HYDIN: variants seen among roughly 807,000 people sequenced by gnomAD.
HYDIN encodes the protein axonemal central pair apparatus protein HYDIN.
In HYDIN, 132 loss-of-function variants were observed where a neutral mutation model predicts 403.9. The observed-to-expected ratio is 0.33, with a 90% CI of 0.28 to 0.38. HYDIN has a LOEUF of 0.38. HYDIN is among the 10% of genes least tolerant of loss of function. The pLI, the probability that HYDIN is intolerant of heterozygous loss-of-function variation, is 1.00. For synonymous variants in HYDIN, 1,202 were observed against 1,891.7 expected (o/e 0.64, Z 9.46); for missense variants, 2,827 against 5,009.5 (o/e 0.56, Z 13.15).
intron 9 of HYDIN, among the ~76,000 whole-genome samples, chr16:71,127,438 G>A (rs4788769): frequency 7.0e-6 from 1 of 143,350 alleles, no homozygotes; most frequent in Admixed American, 7.0e-5. Context: ...AAAAGGCTTC[G>A]TGACAAGAAT....
intron 1 of HYDIN, among the ~76,000 whole-genome samples, chr16:71,220,248 G>C (rs907713061): frequency 2.0e-5 from 3 of 152,158 alleles, no homozygotes; most frequent in African/African-American, 7.2e-5. Context: ...TGCTGCTAAA[G>C]TGAAGAAACA....
chr16:70,872,273 C>T (rs2040156820), intron 64 of HYDIN, 94 bp from the exon 65 acceptor site: 1 of 548,094 alleles, frequency 1.8e-6, no homozygotes, highest in East Asian at 3.3e-5. Context: ...CACATGCAGT[C>T]CTTCCATCCT....
chr16:70,918,139 T>A, intron 47 of HYDIN, 72 bp downstream of exon 47: 1 of 458,238 alleles, frequency 2.2e-6, no homozygotes, highest in East Asian at 3.1e-5. Context: ...TTTGGTCTGG[T>A]GGAGGGTGAC....
chr16:70,926,073 A>AATAC (rs1194096373), intron 45 of HYDIN, among the ~76,000 whole-genome samples: 1 of 150,608 alleles, frequency 6.6e-6, no homozygotes, highest in Non-Finnish European at 1.5e-5. Context: ...GGGATCTAGA[A>AATAC]CTAGAAATAC....
At chr16:70,880,965 C>T (rs2040757424) in intron 60 of HYDIN, among the ~76,000 whole-genome samples, 1 of 150,632 alleles carries the variant, frequency 6.6e-6, no homozygotes, top group African/African-American at 2.5e-5. Flanking sequence ...GTGGCTCACT[C>T]TTGTAATCCT....
intron 65 of HYDIN, 53 bp downstream of exon 65, chr16:70,871,984 G>T: frequency 1.3e-6 from 2 of 1,582,498 alleles, no homozygotes; most frequent in Non-Finnish European, 1.7e-6. Flanking sequence ...AATCAGTCTG[G>T]GGTTGGCTTA....
chr16:71,175,572 A>G (rs762558757), intron 5 of HYDIN, 35 bp downstream of exon 5: 1 of 1,609,088 alleles, frequency 6.2e-7, no homozygotes, highest in Non-Finnish European at 8.5e-7. Flanking sequence ...ATCTGCCAGT[A>G]CAAGTGTCCA....
chr16:71,200,844 T>C (rs2087966784), intron 1 of HYDIN, among the ~76,000 whole-genome samples: 1 of 152,132 alleles, frequency 6.6e-6, no homozygotes, highest in Non-Finnish European at 1.5e-5. Context: ...TCAGACACCC[T>C]GGGGAAAGGC....
intron 75 of HYDIN, among the ~76,000 whole-genome samples, chr16:70,845,874 G>T: frequency 7.1e-6 from 1 of 141,454 alleles, no homozygotes; most frequent in South Asian, 2.1e-4. Flanking sequence ...ATTTCTGTGG[G>T]ATCGGTGGTG....
In HYDIN at chr16:70,996,342, G is replaced by T. The variant is rs1180488064; in HGVS notation, c.3645-4132C>A. ...ATGAGAAACCCAACCCTTGCTTCAAGGAGCTAAGAGGCCAGTGGATCAGAG... is the reference window on the plus strand; with the variant it reads ...ATGAGAAACCCAACCCTTGCTTCAATGAGCTAAGAGGCCAGTGGATCAGAG... On this transcript the variant is annotated intron_variant, in intron 23 of 85. Coordinates refer to ENST00000393567, the MANE Select transcript of HYDIN (RefSeq NM_001270974.2). 5.3e-5 allele frequency among the ~76,000 whole-genome samples: 8 copies of T among 152,310 alleles called. No individual in the cohort carries two copies. The South Asian group carries it at 1.2e-3, about 24-fold the overall frequency.
chr16:71,142,307 GT>G (rs1158437490), intron 7 of HYDIN, among the ~76,000 whole-genome samples: 9 of 117,152 alleles, frequency 7.7e-5, no homozygotes, highest in African/African-American at 3.1e-4. Flanking sequence ...TATTCTCTGT[GT>G]TTTTGTGGTT....
In HYDIN at chr16:70,826,747, G is replaced by C. The variant is rs865780139; in HGVS notation, c.14427+514C>G. Among the ~76,000 whole-genome samples the C allele has an allele frequency of 4.9e-4, 68 of 139,336 alleles. 1 individual carries two copies. Among genetic ancestry groups the C allele is most frequent in the South Asian group, 1.6e-3 (7 of 4,376 alleles). 91.4% of individuals were successfully genotyped at this position (139,336 alleles called of 152,430 possible). A position where few individuals can be genotyped will look rare whatever the true frequency, so the allele number is the denominator to read the frequency against. On this transcript the variant is annotated intron_variant, in intron 83 of 85. Transcript: ENST00000393567. ...TCTCTCTCTCTCTCTCTCTCTCTCT[G>C]TGTGTGTGTTCCTAGATACTTTCTT...
intron 7 of HYDIN, among the ~76,000 whole-genome samples, chr16:71,141,446 C>A (rs946180765): frequency 2.0e-5 from 3 of 151,896 alleles, no homozygotes; most frequent in African/African-American, 4.8e-5. Flanking sequence ...CCAGATCCCT[C>A]TAAAAAACTA....
chr16:71,138,968 C>T (rs1431624156), intron 7 of HYDIN, among the ~76,000 whole-genome samples: 1 of 152,008 alleles, frequency 6.6e-6, no homozygotes, highest in African/African-American at 2.4e-5. Flanking sequence ...CCTGTAGTCC[C>T]AGCTACTCAG....
In HYDIN at chr16:70,860,138, C is replaced by T; in HGVS notation, c.12059G>A (p.Ser4020Asn). 3.1e-6 allele frequency: 5 copies of T among 1,613,468 alleles called. No homozygotes were observed. Among genetic ancestry groups the T allele is most frequent in the South Asian group, 1.1e-5 (1 of 91,056 alleles). Residue 4020 changes from serine (S) to asparagine (N), a missense_variant, in exon 71 of 86, where the codon AGT becomes AAT. Physicochemically the swap from Ser to Asn is conservative, Grantham distance 46. Coordinates refer to ENST00000393567, the MANE Select transcript of HYDIN (RefSeq NM_001270974.2). Reference sequence around the variant, plus strand: ...TGTGAATGCTGCAGGGTTCTGGAGACTTTCAATTTCTTCAGAGATCCAGCA... The same window carrying T: ...TGTGAATGCTGCAGGGTTCTGGAGATTTTCAATTTCTTCAGAGATCCAGCA... ...SFCWISEEIE[S>N]LQNPAAFTCL...
intron 5 of HYDIN, among the ~76,000 whole-genome samples, chr16:71,167,809 T>G (rs969316790): frequency 6.6e-6 from 1 of 152,142 alleles, no homozygotes; most frequent in Admixed American, 6.5e-5. Context: ...ATGTTATGAC[T>G]AGGGAGGCTC....
chr16:71,024,798 T>C (rs1400572751), intron 21 of HYDIN, among the ~76,000 whole-genome samples: 1 of 149,292 alleles, frequency 6.7e-6, no homozygotes, highest in Non-Finnish European at 1.5e-5. Flanking sequence ...TACCCTTACG[T>C]AGAGCCATTT....
At chr16:71,005,760 A>C (rs1167640525) in intron 23 of HYDIN, among the ~76,000 whole-genome samples, 5 of 149,062 alleles carry the variant, frequency 3.4e-5, no homozygotes, top group Non-Finnish European at 7.4e-5. Context: ...AAGAAGGAGA[A>C]AGAAGGACTC....
intron 1 of HYDIN, among the ~76,000 whole-genome samples, chr16:71,194,572 A>C (rs1460426559): frequency 6.6e-6 from 1 of 152,206 alleles, no homozygotes; most frequent in Non-Finnish European, 1.5e-5. Context: ...AATAATGGAG[A>C]TAACAATAAA....
Sources: allele counts gnomAD v4.1 joint callset (sites outside exome capture counted in the v4.1 genomes callset), GRCh38; gene constraint gnomAD v4.1.1; transcripts MANE v1.5; gene names NCBI Gene and HGNC (gene_info 2026-07-23, HGNC 2026-07-21).